Variants in NFIB observed in about 807,000 individuals in gnomAD.
The protein encoded by NFIB is nuclear factor 1 B-type.
NFIB carries 11 observed loss-of-function variants against 61.5 expected under a neutral mutation model. That is an observed-to-expected ratio of 0.18 (90% confidence interval 0.11 to 0.30). The LOEUF is 0.30. Among genes scored for constraint, NFIB ranks in the 10% least tolerant of loss-of-function variants. The pLI is 1.00. For synonymous variants in NFIB, 260 were observed against 216.5 expected (o/e 1.20, Z -1.76); for missense variants, 471 against 608.9 (o/e 0.77, Z 2.38).
the NFIB span, among the ~76,000 whole-genome samples, chr9:14,486,490 G>GCCCTCT: frequency 6.6e-6 from 1 of 152,170 alleles, no homozygotes; most frequent in Non-Finnish European, 1.5e-5. Context: ...TATGCCTAGG[G>GCCCTCT]ACTGAGCAAA....
intron 3 of NFIB, among the ~76,000 whole-genome samples, chr9:14,172,674 C>T (rs2045696357): frequency 2.0e-5 from 3 of 152,114 alleles, no homozygotes; most frequent in African/African-American, 7.2e-5. Context: ...GTTTCTTTTG[C>T]CTCCTTTATA....
chr9:14,279,639 G>C (rs2058239081), intron 2 of NFIB, among the ~76,000 whole-genome samples: 3 of 152,154 alleles, frequency 2.0e-5, no homozygotes, highest in Admixed American at 2.0e-4. Context: ...ATATTTTCCA[G>C]GATGGATATT....
intron 1 of NFIB, among the ~76,000 whole-genome samples, chr9:14,365,920 C>A (rs927116601): frequency 6.6e-6 from 1 of 152,210 alleles, no homozygotes; most frequent in African/African-American, 2.4e-5. Context: ...ATGCCAGTCA[C>A]TGCTGATGCC....
chr9:14,517,344 T>C, the NFIB span, among the ~76,000 whole-genome samples: 1 of 152,218 alleles, frequency 6.6e-6, no homozygotes, highest in Non-Finnish European at 1.5e-5. Flanking sequence ...CTCCAAGGCG[T>C]ACCTGCTTTC....
intron 6 of NFIB, among the ~76,000 whole-genome samples, chr9:14,128,649 G>A (rs1186660155): frequency 6.9e-6 from 1 of 145,046 alleles, no homozygotes; most frequent in Admixed American, 7.1e-5. Context: ...AGTGAGCCAA[G>A]ATAGTGTCAT....
At chr9:14,190,292 A>AAGATGCAT (rs1447036567) in intron 2 of NFIB, among the ~76,000 whole-genome samples, 1 of 152,170 alleles carries the variant, frequency 6.6e-6, no homozygotes, top group Non-Finnish European at 1.5e-5. Context: ...ATTTAAACTC[A>AAGATGCAT]AGATGCATAG....
chr9:14,108,586 T>C (rs955079198), intron 10 of NFIB, among the ~76,000 whole-genome samples: 1 of 152,090 alleles, frequency 6.6e-6, no homozygotes, highest in Non-Finnish European at 1.5e-5. Flanking sequence ...CATTATATAG[T>C]CATGCAAGAG....
intron 1 of NFIB, among the ~76,000 whole-genome samples, chr9:14,370,332 G>A (rs539491348): frequency 2.1e-4 from 32 of 152,246 alleles, no homozygotes; most frequent in African/African-American, 7.5e-4. Context: ...ATAAGGTCAA[G>A]GACTACTTAA....
At chr9:14,131,606 T>C (rs1179869795) in intron 6 of NFIB, among the ~76,000 whole-genome samples, 1 of 152,202 alleles carries the variant, frequency 6.6e-6, no homozygotes, top group Non-Finnish European at 1.5e-5. Flanking sequence ...AAGGCAACAA[T>C]TTTGATCAAT....
chr9:14,438,031 C>T, the NFIB span, among the ~76,000 whole-genome samples: 4 of 126,660 alleles, frequency 3.2e-5, no homozygotes, highest in Non-Finnish European at 6.7e-5. Context: ...TGTGTGTGTG[C>T]GCGTATGTGC....
chr9:14,528,930 A>G, the NFIB span, among the ~76,000 whole-genome samples: 1 of 152,176 alleles, frequency 6.6e-6, no homozygotes, highest in Non-Finnish European at 1.5e-5. Flanking sequence ...GTGAAAGGTC[A>G]TCAACAGAAC....
chr9:14,303,971 T>C (rs1482562605), intron 2 of NFIB, among the ~76,000 whole-genome samples: 1 of 152,160 alleles, frequency 6.6e-6, no homozygotes, highest in African/African-American at 2.4e-5. Flanking sequence ...TTTGCTAATA[T>C]AAGGAAATAG....
chr9:14,491,930 T>C, the NFIB span, among the ~76,000 whole-genome samples: 3 of 152,212 alleles, frequency 2.0e-5, no homozygotes, highest in Non-Finnish European at 4.4e-5. Context: ...CAGAATCTCA[T>C]GCATTGGCAC....
chr9:14,225,069 T>C (rs575634088), intron 2 of NFIB, among the ~76,000 whole-genome samples: 1 of 152,290 alleles, frequency 6.6e-6, no homozygotes, highest in African/African-American at 2.4e-5. Context: ...GACCAAGATC[T>C]CTGCATTTCC....
chr9:14,374,094 A>G (rs1353061787), intron 1 of NFIB, among the ~76,000 whole-genome samples: 1 of 152,212 alleles, frequency 6.6e-6, no homozygotes, highest in Non-Finnish European at 1.5e-5. Flanking sequence ...TTTGAAGGCA[A>G]AATTATAGTA....
chr9:14,233,733 T>G (rs918805060), intron 2 of NFIB, among the ~76,000 whole-genome samples: 4 of 152,176 alleles, frequency 2.6e-5, no homozygotes, highest in Admixed American at 1.3e-4. Context: ...CCCAGACTTG[T>G]TTTGCTATTA....
intron 10 of NFIB, among the ~76,000 whole-genome samples, chr9:14,099,418 TACAG>T (rs2035380171): frequency 6.6e-6 from 1 of 152,216 alleles, no homozygotes; most frequent in Non-Finnish European, 1.5e-5. Flanking sequence ...GTGCTAGTGT[TACAG>T]ACATTTATGA....
At chr9:14,443,047 A>G in the NFIB span, among the ~76,000 whole-genome samples, 6 of 65,238 alleles carry the variant, frequency 9.2e-5, no homozygotes, top group African/African-American at 1.3e-4. Context: ...CCCCCCCGCC[A>G]TGACTCTTCT....
At chr9:14,336,087 G>A (rs1404773765) in intron 1 of NFIB, among the ~76,000 whole-genome samples, 2 of 152,168 alleles carry the variant, frequency 1.3e-5, no homozygotes, top group East Asian at 1.9e-4. Flanking sequence ...GTTATAAGAA[G>A]TCTTGAAATC....
Sources: gnomAD v4.1 joint callset for allele counts (sites outside exome capture counted in the v4.1 genomes callset) on GRCh38, gnomAD v4.1.1 for gene constraint, MANE v1.5 for transcripts, NCBI Gene and HGNC (gene_info 2026-07-23, HGNC 2026-07-21) for gene names.